Variants in TENM3 observed in about 807,000 individuals in gnomAD.
The protein encoded by TENM3 is teneurin transmembrane protein 3, also known as teneurin-3.
TENM3 carries 63 observed loss-of-function variants against 255.1 expected under a neutral mutation model. The observed-to-expected ratio is 0.25, with a 90% CI of 0.20 to 0.30. The LOEUF is 0.30. Ranked by LOEUF, TENM3 falls within the 10% of genes least tolerant of loss-of-function variation. The probability of loss-of-function intolerance (pLI) is 1.00; values close to 1 mark genes in which losing one functional copy is unlikely to be tolerated. For missense variants in TENM3, 2,929 were observed against 3,461.1 expected, an observed-to-expected ratio of 0.85 and a Z score of 3.86; for synonymous variants, 1,306 against 1,322.3, an observed-to-expected ratio of 0.99 and a Z score of 0.27.
At chr4:181,491,149 T>C in the TENM3 span, among the ~76,000 whole-genome samples, 1 of 152,084 alleles carries the variant, frequency 6.6e-6, no homozygotes, top group African/African-American at 2.4e-5. Context: ...TTTTAATAAG[T>C]GTGGCACTTA....
chr4:181,844,524 CGG>C, the TENM3 span, among the ~76,000 whole-genome samples: 4 of 151,832 alleles, frequency 2.6e-5, no homozygotes, highest in East Asian at 7.8e-4. Flanking sequence ...AAAAATTAGC[CGG>C]GAGTGGTGGC....
intron 4 of TENM3, among the ~76,000 whole-genome samples, chr4:182,624,192 T>C (rs1750598970): frequency 6.6e-6 from 1 of 152,194 alleles, no homozygotes; most frequent in South Asian, 2.1e-4. Flanking sequence ...CTTAATAAAA[T>C]GAAATATTTT....
At chr4:182,017,786 C>T in the TENM3 span, among the ~76,000 whole-genome samples, 1 of 152,104 alleles carries the variant, frequency 6.6e-6, no homozygotes, top group Non-Finnish European at 1.5e-5. Context: ...TACATTAGCA[C>T]CTGAACTGGA....
At chr4:182,571,401 C>G (rs1381719959) in intron 3 of TENM3, among the ~76,000 whole-genome samples, 1 of 152,128 alleles carries the variant, frequency 6.6e-6, no homozygotes, top group Non-Finnish European at 1.5e-5. Flanking sequence ...TGACATGTGC[C>G]TGTAGTCCCA....
the TENM3 span, among the ~76,000 whole-genome samples, chr4:181,949,551 G>T: frequency 6.6e-6 from 1 of 152,008 alleles, no homozygotes; most frequent in South Asian, 2.1e-4. Flanking sequence ...TACCACCCTG[G>T]CCCAACTCAA....
chr4:182,336,613 A>G (rs1340112926), intron 2 of TENM3, among the ~76,000 whole-genome samples: 2 of 152,208 alleles, frequency 1.3e-5, no homozygotes, highest in Non-Finnish European at 2.9e-5. Context: ...GCACCTTTCC[A>G]GATGGCCAGA....
intron 1 of TENM3, among the ~76,000 whole-genome samples, chr4:182,180,490 G>T (rs1213230485): frequency 6.6e-6 from 1 of 152,168 alleles, no homozygotes; most frequent in Non-Finnish European, 1.5e-5. Context: ...ATGTTATATA[G>T]TAAAGAGAGT....
the TENM3 span, among the ~76,000 whole-genome samples, chr4:181,613,781 C>G: frequency 6.6e-6 from 1 of 152,180 alleles, no homozygotes; most frequent in Non-Finnish European, 1.5e-5. Context: ...TCCATAAGAC[C>G]AAACCTATTT....
chr4:181,704,861 C>A, the TENM3 span, among the ~76,000 whole-genome samples: 2 of 152,066 alleles, frequency 1.3e-5, no homozygotes, highest in Admixed American at 6.5e-5. Flanking sequence ...GGTGAAACCC[C>A]GTCTCTACTA....
chr4:181,539,027 C>A, the TENM3 span, among the ~76,000 whole-genome samples: 12 of 152,120 alleles, frequency 7.9e-5, no homozygotes, highest in African/African-American at 9.7e-5. Flanking sequence ...TATATTGTCC[C>A]ATATATAGGC....
rs555322476 is a variant in TENM3 at position 182,535,153 on chromosome 4, T to G, written c.512-65771T>G. ...ACAACAACCAAGCTGTACATTTTCC[T>G]TAGATGATTAGATCTGCCTCAGGAA... On this transcript the variant is annotated intron_variant, in intron 3 of 27. Coordinates refer to ENST00000511685, the MANE Select transcript of TENM3 (RefSeq NM_001080477.4). Among the ~76,000 whole-genome samples, 3 of 152,334 alleles carry G rather than the reference T, an allele frequency of 2.0e-5. No individual in the cohort carries two copies. The East Asian group carries it at 5.8e-4, about 29-fold the overall frequency.
chr4:181,616,541 A>G, the TENM3 span, among the ~76,000 whole-genome samples: 4 of 151,154 alleles, frequency 2.6e-5, no homozygotes, highest in African/African-American at 9.7e-5. Flanking sequence ...CATATAATAC[A>G]TGTATATTAT....
chr4:182,449,078 G>C (rs1177605421), intron 3 of TENM3: 1 of 308,134 alleles, frequency 3.2e-6, no homozygotes, highest in Admixed American at 3.7e-5. Context: ...GGCGCGCCGC[G>C]GCAAGGTGGG....
the TENM3 span, among the ~76,000 whole-genome samples, chr4:181,805,338 A>G: frequency 6.6e-6 from 1 of 151,968 alleles, no homozygotes; most frequent in Non-Finnish European, 1.5e-5. Flanking sequence ...AGTGCAGACC[A>G]CATTGGCCAC....
At chr4:182,375,612 G>T (rs1044350581) in intron 3 of TENM3, among the ~76,000 whole-genome samples, 1 of 152,118 alleles carries the variant, frequency 6.6e-6, no homozygotes, top group African/African-American at 2.4e-5. Flanking sequence ...CGCAGTCTCG[G>T]CTCACTGCAG....
the TENM3 span, among the ~76,000 whole-genome samples, chr4:181,888,499 T>C: frequency 9.3e-5 from 2 of 21,538 alleles, no homozygotes; most frequent in Non-Finnish European, 8.5e-5. Context: ...AATGTGTATA[T>C]ATATATATAT....
chr4:181,878,147 A>C, the TENM3 span, among the ~76,000 whole-genome samples: 1 of 152,198 alleles, frequency 6.6e-6, no homozygotes, highest in South Asian at 2.1e-4. Context: ...ATCATGAAAG[A>C]ATTCACTGAA....
the TENM3 span, among the ~76,000 whole-genome samples, chr4:181,578,161 A>T: frequency 6.6e-6 from 1 of 152,238 alleles, no homozygotes; most frequent in Non-Finnish European, 1.5e-5. Flanking sequence ...TGGAAGGGTC[A>T]AGGACTCCGT....
At chr4:182,002,614 C>A in the TENM3 span, among the ~76,000 whole-genome samples, 1 of 152,056 alleles carries the variant, frequency 6.6e-6, no homozygotes, top group East Asian at 1.9e-4. Flanking sequence ...TTCCATGATT[C>A]CAAACTTAAC....
Sources: gnomAD v4.1 joint callset for allele counts (sites outside exome capture counted in the v4.1 genomes callset) on GRCh38, gnomAD v4.1.1 for gene constraint, MANE v1.5 for transcripts, NCBI Gene and HGNC (gene_info 2026-07-23, HGNC 2026-07-21) for gene names.